The following GABRB1 variants were observed in gnomAD, a reference collection of about 807,000 sequenced individuals.
GABRB1 encodes gamma-aminobutyric acid type A receptor subunit beta1.
Under a neutral mutation model 51.6 loss-of-function variants are expected in GABRB1, and 17 were observed. The ratio of observed to expected loss-of-function variants is 0.33; its 90% CI spans 0.23 to 0.49. The LOEUF is 0.49. Among genes scored for constraint, GABRB1 ranks in the 20% least tolerant of loss-of-function variants. The pLI, the probability that GABRB1 is intolerant of heterozygous loss-of-function variation, is 0.99. For synonymous variants in GABRB1, 247 were observed against 218.9 expected (o/e 1.13, Z -1.14); for missense variants, 410 against 600.6 (o/e 0.68, Z 3.32).
chr4:47,315,230 C>T (rs1724841206), intron 4 of GABRB1, among the ~76,000 whole-genome samples: 1 of 151,796 alleles, frequency 6.6e-6, no homozygotes, highest in African/African-American at 2.4e-5. Context: ...AGGCAAAGAA[C>T]ATGAACACCT....
intron 7 of GABRB1, among the ~76,000 whole-genome samples, chr4:47,405,023 A>G (rs1728522743): frequency 6.6e-6 from 1 of 152,222 alleles, no homozygotes; most frequent in African/African-American, 2.4e-5. Flanking sequence ...AATGGCATTC[A>G]TTTACTAACA....
chr4:47,382,728 T>C (rs1301556220), intron 5 of GABRB1, among the ~76,000 whole-genome samples: 1 of 152,206 alleles, frequency 6.6e-6, no homozygotes, highest in Non-Finnish European at 1.5e-5. Context: ...TCCTAACTGC[T>C]ATTCCCAAAC....
intron 5 of GABRB1, among the ~76,000 whole-genome samples, chr4:47,354,993 T>TTTTTTG (rs1560348633): frequency 1.5e-5 from 2 of 137,534 alleles, no homozygotes; most frequent in African/African-American, 2.8e-5. Context: ...TTTTTTTTTT[T>TTTTTTG]TTTTTTTTTT....
At chr4:47,169,703 T>C (rs1269500512) in intron 4 of GABRB1, among the ~76,000 whole-genome samples, 1 of 152,136 alleles carries the variant, frequency 6.6e-6, no homozygotes, top group African/African-American at 2.4e-5. Context: ...GGTTTCATCA[T>C]GTTAGCCAGG....
At chr4:47,064,628 G>T (rs1233956576) in intron 3 of GABRB1, among the ~76,000 whole-genome samples, 2 of 132,798 alleles carry the variant, frequency 1.5e-5, no homozygotes, top group Non-Finnish European at 3.1e-5. Context: ...ATAAGAGCGA[G>T]GAGACTCCAT....
At chr4:47,080,743 C>T (rs1416875329) in intron 3 of GABRB1, among the ~76,000 whole-genome samples, 2 of 152,074 alleles carry the variant, frequency 1.3e-5, no homozygotes, top group Non-Finnish European at 2.9e-5. Flanking sequence ...ATAAGGTCGT[C>T]AATAGACAAA....
intron 3 of GABRB1, among the ~76,000 whole-genome samples, chr4:47,090,466 A>G (rs186989970): frequency 6.6e-6 from 1 of 152,326 alleles, no homozygotes; most frequent in Non-Finnish European, 1.5e-5. Flanking sequence ...AAACACTGCA[A>G]TGAGATCTCC....
chr4:47,074,663 G>C (rs551167278), intron 3 of GABRB1, among the ~76,000 whole-genome samples: 2 of 152,144 alleles, frequency 1.3e-5, no homozygotes, highest in African/African-American at 4.8e-5. Flanking sequence ...CATGCTAAAA[G>C]GGTTCAGAGG....
chr4:47,093,574 C>G (rs547425132), intron 3 of GABRB1, among the ~76,000 whole-genome samples: 2 of 152,016 alleles, frequency 1.3e-5, no homozygotes, highest in Non-Finnish European at 2.9e-5. Flanking sequence ...TATTTTTCTG[C>G]GTACAACAAA....
At chr4:47,086,031 T>A (rs1157280780) in intron 3 of GABRB1, among the ~76,000 whole-genome samples, 1 of 152,268 alleles carries the variant, frequency 6.6e-6, no homozygotes, top group Non-Finnish European at 1.5e-5. Flanking sequence ...CAGAGTGATT[T>A]ATTATAACAA....
chr4:47,083,860 A>C (rs554646655), intron 3 of GABRB1, among the ~76,000 whole-genome samples: 120 of 152,208 alleles, frequency 7.9e-4, no homozygotes, highest in Admixed American at 7.7e-3. Flanking sequence ...GATCAAAGAC[A>C]CACCCCTATG....
intron 3 of GABRB1, among the ~76,000 whole-genome samples, chr4:47,115,722 G>T (rs1715449392): frequency 2.0e-5 from 3 of 151,278 alleles, no homozygotes; most frequent in Non-Finnish European, 4.4e-5. Context: ...AACACAATAA[G>T]ATTTTTAAAT....
chr4:47,249,981 C>T lies in GABRB1; in HGVS notation c.462-70146C>T, dbSNP rs147962630. On this transcript the variant is annotated intron_variant, in intron 4 of 8. Coordinates refer to ENST00000295454, the MANE Select transcript of GABRB1 (RefSeq NM_000812.4). ...TTGCATTCATCGTGTTATTTCTTGC[C>T]TGTGTACTTTGGTATTTTTGTTTTT... Among the ~76,000 whole-genome samples, 441 of 152,170 alleles carry T rather than the reference C, an allele frequency of 2.9e-3. 1 individual carries two copies. Among genetic ancestry groups the T allele is most frequent in the Non-Finnish European group, 5.3e-3 (362 of 67,982 alleles).
chr4:47,291,502 G>T (rs1052706450), intron 4 of GABRB1, among the ~76,000 whole-genome samples: 3 of 152,160 alleles, frequency 2.0e-5, no homozygotes, highest in African/African-American at 7.2e-5. Flanking sequence ...CTGTCCTCCA[G>T]GTCCCAGAAA....
intron 3 of GABRB1, among the ~76,000 whole-genome samples, chr4:47,093,989 C>T (rs558202075): frequency 6.6e-6 from 1 of 151,922 alleles, no homozygotes; most frequent in African/African-American, 2.4e-5. Context: ...TACTGCCTTT[C>T]ATTAGCCCCT....
At chr4:47,119,656 G>A (rs988032804) in intron 3 of GABRB1, among the ~76,000 whole-genome samples, 43 of 151,812 alleles carry the variant, frequency 2.8e-4, no homozygotes, top group Admixed American at 8.5e-4. Flanking sequence ...TTACATGCAT[G>A]CACCACCACA....
intron 4 of GABRB1, among the ~76,000 whole-genome samples, chr4:47,225,398 G>T (rs1578014830): frequency 6.6e-6 from 1 of 152,110 alleles, no homozygotes; most frequent in Non-Finnish European, 1.5e-5. Flanking sequence ...AATTTAAGAA[G>T]CACTGTTAGA....
intron 5 of GABRB1, among the ~76,000 whole-genome samples, chr4:47,345,365 G>A (rs1726052295): frequency 6.6e-6 from 1 of 152,066 alleles, no homozygotes; most frequent in Non-Finnish European, 1.5e-5. Context: ...CACCAATAAA[G>A]GTAAAATTGC....
intron 5 of GABRB1, among the ~76,000 whole-genome samples, chr4:47,350,594 TA>T (rs1427453086): frequency 6.6e-6 from 1 of 151,980 alleles, no homozygotes; most frequent in African/African-American, 2.4e-5. Context: ...ATGCCTTACT[TA>T]CATAATTATA....
Sources: allele counts gnomAD v4.1 joint callset (sites outside exome capture counted in the v4.1 genomes callset), GRCh38; gene constraint gnomAD v4.1.1; transcripts MANE v1.5; gene names NCBI Gene and HGNC (gene_info 2026-07-23, HGNC 2026-07-21).